The following GABRB1 variants were observed in gnomAD, a reference collection of about 807,000 sequenced individuals.
GABRB1 encodes gamma-aminobutyric acid type A receptor subunit beta1, also known as gamma-aminobutyric acid receptor subunit beta-1.
Under a neutral mutation model 51.6 loss-of-function variants are expected in GABRB1, and 17 were observed. The observed-to-expected ratio is 0.33, with a 90% CI of 0.23 to 0.49. GABRB1 has a LOEUF of 0.49. Ranked by LOEUF, GABRB1 falls within the 20% of genes least tolerant of loss-of-function variation. GABRB1 has a pLI of 0.99. For missense variants in GABRB1, 410 were observed against 600.6 expected, an observed-to-expected ratio of 0.68 and a Z score of 3.32; for synonymous variants, 247 against 218.9, an observed-to-expected ratio of 1.13 and a Z score of -1.14.
intron 3 of GABRB1, among the ~76,000 whole-genome samples, chr4:47,136,457 A>G (rs1423196424): frequency 6.6e-6 from 1 of 152,148 alleles, no homozygotes; most frequent in Non-Finnish European, 1.5e-5. Context: ...AGAGAAAAGC[A>G]TGGATGAAAA....
At chr4:47,120,005 T>C (rs1419400169) in intron 3 of GABRB1, among the ~76,000 whole-genome samples, 1 of 152,010 alleles carries the variant, frequency 6.6e-6, no homozygotes, top group African/African-American at 2.4e-5. Flanking sequence ...TAAACACCCA[T>C]GTAGGCACAA....
intron 5 of GABRB1, among the ~76,000 whole-genome samples, chr4:47,335,268 T>C (rs935845132): frequency 4.6e-5 from 7 of 152,054 alleles, no homozygotes; most frequent in African/African-American, 9.7e-5. Context: ...CAGTTATATA[T>C]ATATATAAGT....
chr4:47,328,773 G>C (rs566221400), intron 5 of GABRB1, among the ~76,000 whole-genome samples: 11 of 152,124 alleles, frequency 7.2e-5, no homozygotes, highest in Admixed American at 5.2e-4. Flanking sequence ...GTTGTGGGGA[G>C]GGGGGAGCGG....
At chr4:47,309,188 G>A (rs148383383) in intron 4 of GABRB1, among the ~76,000 whole-genome samples, 1 of 152,118 alleles carries the variant, frequency 6.6e-6, no homozygotes, top group East Asian at 1.9e-4. Flanking sequence ...GGTAAAATAT[G>A]ACTCACCCTG....
At chr4:47,254,091 G>T (rs1722087755) in intron 4 of GABRB1, among the ~76,000 whole-genome samples, 1 of 152,098 alleles carries the variant, frequency 6.6e-6, no homozygotes, top group South Asian at 2.1e-4. Context: ...ACTTTAAAGT[G>T]TTGTTTTGGA....
chr4:47,115,380 T>C (rs1225133402), intron 3 of GABRB1, among the ~76,000 whole-genome samples: 1 of 152,162 alleles, frequency 6.6e-6, no homozygotes, highest in Non-Finnish European at 1.5e-5. Context: ...TTCTATCTTG[T>C]ACCACTGTCT....
chr4:47,145,022 C>T (rs185165337), intron 3 of GABRB1, among the ~76,000 whole-genome samples: 1 of 151,846 alleles, frequency 6.6e-6, no homozygotes, highest in Admixed American at 6.6e-5. Flanking sequence ...AAACTTGACT[C>T]CCCTTGGGAC....
At chr4:47,216,909 C>A (rs28482891) in intron 4 of GABRB1, among the ~76,000 whole-genome samples, 52,199 of 151,576 alleles carry the variant, frequency 0.34, 9,303 homozygotes, top group African/African-American at 0.37. Flanking sequence ...ATGCTTATTG[C>A]CACATTGTTT....
At chr4:47,374,977 G>C (rs1313882026) in intron 5 of GABRB1, among the ~76,000 whole-genome samples, 1 of 152,170 alleles carries the variant, frequency 6.6e-6, no homozygotes, top group African/African-American at 2.4e-5. Flanking sequence ...AAAAATTGGG[G>C]AAAGAAAAAT....
chr4:47,164,673 C>T (rs532023707), intron 4 of GABRB1, among the ~76,000 whole-genome samples: 120 of 152,172 alleles, frequency 7.9e-4, no homozygotes, highest in African/African-American at 2.7e-3. Context: ...TATTCAAACT[C>T]GGTAAGCTCA....
rs1236836320 is a variant in GABRB1 at position 47,389,717 on chromosome 4, G to A, written c.545-13601G>A. 1.8e-4 allele frequency among the ~76,000 whole-genome samples: 27 copies of A among 152,164 alleles called. 1 individual carries two copies. Among genetic ancestry groups the A allele is most frequent in the Admixed American group, 1.8e-3 (27 of 15,272 alleles). On this transcript the variant is annotated intron_variant, in intron 5 of 8. Transcript: ENST00000295454. The stretch of plus-strand genomic sequence containing the variant: ...ATTGTTATGCACATCTGGAGCCACT[G>A]GAAAAATTAAACCCAGTTGACTCTC...
At chr4:47,139,380 A>G (rs1377129187) in intron 3 of GABRB1, among the ~76,000 whole-genome samples, 1 of 152,112 alleles carries the variant, frequency 6.6e-6, no homozygotes, top group African/African-American at 2.4e-5. Flanking sequence ...AGCAACTTGT[A>G]AAGTTAAAAT....
At chr4:47,129,369 T>C (rs1173636685) in intron 3 of GABRB1, among the ~76,000 whole-genome samples, 1 of 152,064 alleles carries the variant, frequency 6.6e-6, no homozygotes, top group Non-Finnish European at 1.5e-5. Context: ...AAACCAAATA[T>C]CAAACATGCA....
At chr4:47,275,281 T>C (rs17653240) in intron 4 of GABRB1, among the ~76,000 whole-genome samples, 11,298 of 152,238 alleles carry the variant, frequency 0.074, 553 homozygotes, top group South Asian at 0.24. Flanking sequence ...ATGTGGGGCT[T>C]AAATAATCAC....
chr4:47,296,039 T>C (rs1348598415), intron 4 of GABRB1, among the ~76,000 whole-genome samples: 1 of 152,016 alleles, frequency 6.6e-6, no homozygotes, highest in Non-Finnish European at 1.5e-5. Context: ...AATAAAATAC[T>C]TTACAGACAA....
chr4:47,338,435 A>G (rs532001284), intron 5 of GABRB1, among the ~76,000 whole-genome samples: 3 of 152,332 alleles, frequency 2.0e-5, no homozygotes, highest in South Asian at 2.1e-4. Context: ...TTAGACTATT[A>G]GAAATTAGAT....
At chr4:47,154,256 TG>T (rs1394126096) in intron 3 of GABRB1, among the ~76,000 whole-genome samples, 1 of 61,634 alleles carries the variant, frequency 1.6e-5, no homozygotes, top group East Asian at 4.0e-4. Flanking sequence ...AAATTATGGT[TG>T]TTTTTTTTTT....
intron 4 of GABRB1, among the ~76,000 whole-genome samples, chr4:47,230,838 GGTGTCCATTTT>G (rs1721116458): frequency 6.6e-6 from 1 of 152,096 alleles, no homozygotes; most frequent in Non-Finnish European, 1.5e-5. Context: ...CCCTCAAATA[GGTGTCCATTTT>G]GTGGAATTTG....
chr4:47,421,431 T>G lies in GABRB1; in HGVS notation c.1081-4243T>G, dbSNP rs553170718. On this transcript the variant is annotated intron_variant, in intron 8 of 8. Transcript: ENST00000295454. Reference sequence around the variant, plus strand: ...TAATGTAACTTAATGATGCATAGAGTGCAGATCAGGTGATTCCATTTTACA... The same window carrying G: ...TAATGTAACTTAATGATGCATAGAGGGCAGATCAGGTGATTCCATTTTACA... 7.9e-5 allele frequency among the ~76,000 whole-genome samples: 12 copies of G among 152,136 alleles called. No homozygotes were observed. In the East Asian group the frequency reaches 2.3e-3, roughly 29 times the overall value.
Sources: gnomAD v4.1 joint callset for allele counts (sites outside exome capture counted in the v4.1 genomes callset) on GRCh38, gnomAD v4.1.1 for gene constraint, MANE v1.5 for transcripts, NCBI Gene and HGNC (gene_info 2026-07-23, HGNC 2026-07-21) for gene names.